Variants in SPG7 observed in about 807,000 individuals in gnomAD.
SPG7 encodes mitochondrial inner membrane m-AAA protease component paraplegin.
SPG7 carries 103 observed loss-of-function variants against 81.9 expected under a neutral mutation model. The ratio of observed to expected loss-of-function variants is 1.26; its 90% CI spans 1.07 to 1.48. The LOEUF (loss-of-function observed/expected upper bound fraction) is 1.48. Ranked by LOEUF, SPG7 falls within the 40% of genes most tolerant of loss-of-function variation. SPG7 has a pLI of 0.00. For missense variants in SPG7, 1,241 were observed against 1,087.3 expected (o/e 1.14, Z -1.99); for synonymous variants, 534 against 444.2 (o/e 1.20, Z -2.54).
intron 4 of SPG7, among the ~76,000 whole-genome samples, chr16:89,524,953 C>CT (rs34661848): frequency 0.37 from 43,806 of 118,914 alleles, 10,678 homozygotes; most frequent in Non-Finnish European, 0.51. Context: ...TTTTCTTTTG[C>CT]TTTTTTTTTT....
chr16:89,549,281 A>G (rs750878641), intron 12 of SPG7: 1 of 455,680 alleles, frequency 2.2e-6, no homozygotes, highest in Non-Finnish European at 4.4e-6. Context: ...CAAGTTGTAC[A>G]GAATGGACAC....
chr16:89,553,665 A>T, intron 14 of SPG7, 129 bp from the exon 15 acceptor site: 3 of 852,808 alleles, frequency 3.5e-6, no homozygotes, highest in Non-Finnish European at 3.8e-6. Context: ...GTCCAGCTTC[A>T]CGGTGGGTCC....
chr16:89,526,648 T>C (rs2058264328), intron 5 of SPG7, 180 bp downstream of exon 5: 1 of 670,490 alleles, frequency 1.5e-6, no homozygotes, highest in Non-Finnish European at 2.6e-6. Context: ...GGAAATATAG[T>C]TATCCCTGGG....
chr16:89,537,851 T>C, intron 9 of SPG7: 1 of 854,590 alleles, frequency 1.2e-6, no homozygotes, highest in Non-Finnish European at 1.4e-6. Context: ...CCTTTGTCCT[T>C]AATGTGGCAG....
chr16:89,510,631 A>G, intron 2 of SPG7, 39 bp downstream of exon 2: 1 of 1,239,702 alleles, frequency 8.1e-7, no homozygotes, highest in Non-Finnish European at 1.2e-6. Flanking sequence ...GCATGACTGC[A>G]CACTTACCGC....
chr16:89,510,471 G>GTTTT lies in SPG7; in HGVS notation c.184-7_184-4dup. On this transcript the variant is annotated intron_variant, in intron 1 of 16. Coordinates refer to ENST00000645818, the MANE Select transcript of SPG7 (RefSeq NM_003119.4). ...TAATGTTGGTGTGACCTCCAGTATT[G>GTTTT]TTTTTTTTTTTTTTTCAGAGCTTAC... The GTTTT allele has an allele frequency of 8.5e-6, 10 of 1,180,980 alleles. No homozygotes were observed. The highest frequency in any genetic ancestry group is 3.2e-5 in the African/African-American group (2 of 61,798). 73.2% of individuals were successfully genotyped at this position (1,180,980 alleles called of 1,614,324 possible). A position where few individuals can be genotyped will look rare whatever the true frequency, so the allele number is the denominator to read the frequency against.
intron 9 of SPG7, chr16:89,533,680 G>A (rs1400883539): frequency 6.6e-6 from 1 of 152,178 alleles, no homozygotes; most frequent in Non-Finnish European, 1.5e-5. Context: ...CAGCGAGGGA[G>A]ACACCCCATT....
chr16:89,552,637 T>A, intron 13 of SPG7: 1 of 365,374 alleles, frequency 2.7e-6, no homozygotes, highest in South Asian at 2.2e-5. Context: ...TCAGTAGCTG[T>A]CGCTGGTGTG....
At chr16:89,537,006 G>A (rs995092582) in intron 9 of SPG7, 1 of 1,612,568 alleles carries the variant, frequency 6.2e-7, no homozygotes, top group Non-Finnish European at 8.5e-7. Flanking sequence ...CATAAGAATA[G>A]CTGCTTCCGC....
chr16:89,546,499 GA>G (rs2058564904), intron 10 of SPG7, 158 bp from the exon 11 acceptor site: 3 of 683,662 alleles, frequency 4.4e-6, no homozygotes, highest in Non-Finnish European at 8.1e-6. Flanking sequence ...CCAACTTTGC[GA>G]AACCCCGTCT....
intron 4 of SPG7, 120 bp downstream of exon 4, chr16:89,524,367 G>A: frequency 8.8e-7 from 1 of 1,136,756 alleles, no homozygotes; most frequent in Non-Finnish European, 1.3e-6. Flanking sequence ...CCATCCTTTT[G>A]GATACCTGTG....
intron 3 of SPG7, chr16:89,521,363 C>T (rs1262031964): frequency 6.6e-6 from 1 of 152,250 alleles, no homozygotes; most frequent in Admixed American, 6.5e-5. Flanking sequence ...ACATGCCTGG[C>T]TGACCCTCAC....
At position 89,524,727 on chromosome 16, in the gene SPG7, G is replaced by A. The variant is rs368209459; in HGVS notation, c.618+480G>A. 1.4e-3 allele frequency among the ~76,000 whole-genome samples: 216 copies of A among 152,228 alleles called. 4 individuals are homozygous for A. The South Asian group carries it at 0.043, about 30-fold the overall frequency. ...CCCAAAGTGCTGGGATTACAGGCGT[G>A]AGCCATCGTGCCCAGCCAGATCTGG... On this transcript the variant is annotated intron_variant, in intron 4 of 16. Coordinates refer to ENST00000645818, the MANE Select transcript of SPG7 (RefSeq NM_003119.4).
At chr16:89,534,248 TC>T (rs2058383314) in intron 9 of SPG7, among the ~76,000 whole-genome samples, 1 of 152,026 alleles carries the variant, frequency 6.6e-6, no homozygotes, top group Non-Finnish European at 1.5e-5. Flanking sequence ...AGAATTGGAG[TC>T]CTACAGTGTC....
intron 9 of SPG7, chr16:89,543,599 A>T (rs1178533724): frequency 6.7e-6 from 1 of 150,312 alleles, no homozygotes; most frequent in East Asian, 2.0e-4. Flanking sequence ...CAGCCTCCCA[A>T]AGTGCTGGGA....
At chr16:89,553,525 C>T (rs1270031802) in intron 14 of SPG7, 17 of 550,744 alleles carry the variant, frequency 3.1e-5, no homozygotes, top group Admixed American at 2.2e-4. Context: ...TAGGCCTGGG[C>T]TTGTGCTTGA....
In SPG7 at chr16:89,524,076, G is replaced by A. The variant is rs1164011433; in HGVS notation, c.447G>A (p.Ala149=). 11 of 1,613,862 alleles carry A rather than the reference G, an allele frequency of 6.8e-6. No individual in the cohort carries two copies. Among genetic ancestry groups the A allele is most frequent in the Admixed American group, 3.3e-5 (2 of 60,000 alleles). ...RERLRTLLVI[A]VVMSLLNALS... is the part of the protein sequence containing the mutation. Reference sequence around the variant, plus strand: ...GGCTGCGCACCTTGCTGGTCATCGCGGTTGTCATGAGCCTCCTGAATGCTC... The same window carrying A: ...GGCTGCGCACCTTGCTGGTCATCGCAGTTGTCATGAGCCTCCTGAATGCTC... Residue 149 remains alanine (A), a synonymous_variant, in exon 4 of 17, where the codon GCG becomes GCA. Transcript: ENST00000645818.
At chr16:89,508,768 C>A (rs1447737273) in intron 1 of SPG7, 168 bp downstream of exon 1, 4 of 812,492 alleles carry the variant, frequency 4.9e-6, no homozygotes, top group Middle Eastern at 4.5e-4. Context: ...ACTGTTGGGG[C>A]CCTGGATCGT....
intron 4 of SPG7, among the ~76,000 whole-genome samples, chr16:89,525,798 G>A (rs530210004): frequency 2.6e-5 from 4 of 152,224 alleles, no homozygotes; most frequent in African/African-American, 7.2e-5. Context: ...GTTTTTGGCC[G>A]TAGTCTTGAT....
Sources: allele counts gnomAD v4.1 joint callset (sites outside exome capture counted in the v4.1 genomes callset), GRCh38; gene constraint gnomAD v4.1.1; transcripts MANE v1.5; gene names NCBI Gene and HGNC (gene_info 2026-07-23, HGNC 2026-07-21).